The following GNAI3 variants were observed in gnomAD, a reference collection of about 807,000 sequenced individuals.
GNAI3 encodes the protein G protein subunit alpha i3, also known as guanine nucleotide-binding protein G(i) subunit alpha-3.
In GNAI3, 12 loss-of-function variants were observed where a neutral mutation model predicts 41.8. The ratio of observed to expected loss-of-function variants is 0.29; its 90% confidence interval spans 0.18 to 0.47. The LOEUF (loss-of-function observed/expected upper bound fraction) is 0.47, where lower values mean the gene tolerates loss of function less well. GNAI3 is among the 20% of genes least tolerant of loss of function. The pLI is 1.00. For synonymous variants in GNAI3, 132 were observed against 146.5 expected, an observed-to-expected ratio of 0.90 and a Z score of 0.71; for missense variants, 360 against 429.6, an observed-to-expected ratio of 0.84 and a Z score of 1.43.
At chr1:109,591,595 C>G in intron 7 of GNAI3, 2 of 520,848 alleles carry the variant, frequency 3.8e-6, no homozygotes, top group Non-Finnish European at 7.0e-6. Context: ...TGCTAATCTT[C>G]TCTGTATTGT....
At chr1:109,559,933 T>C (rs1469767270) in intron 1 of GNAI3, among the ~76,000 whole-genome samples, 1 of 152,226 alleles carries the variant, frequency 6.6e-6, no homozygotes, top group African/African-American at 2.4e-5. Context: ...AAGTGAAATA[T>C]CCGATTTTTC....
rs1233048484 is a variant in GNAI3 at position 109,593,858 on chromosome 1, C to T, written c.*1536C>T. 1 of 152,554 alleles carries T rather than the reference C, an allele frequency of 6.6e-6. No homozygotes were observed. The highest frequency in any genetic ancestry group is 1.5e-5 in the Non-Finnish European group (1 of 68,026). The allele number at this position is 152,554 out of a possible 1,614,324, so 9.5% of individuals were successfully genotyped here. On this transcript the variant is annotated 3_prime_UTR_variant, in exon 9 of 9. Transcript: ENST00000369851. ...ACAAATGAAGAGAATGCATTTTGAG[C>T]ATTTCAAATCAGTAGTTTGGGCAGT...
intron 1 of GNAI3, among the ~76,000 whole-genome samples, chr1:109,555,994 G>T (rs1184842167): frequency 6.8e-5 from 10 of 147,912 alleles, no homozygotes; most frequent in African/African-American, 2.4e-4. Flanking sequence ...GTGTGTGTGT[G>T]TGTGTTTGTG....
In GNAI3 at chr1:109,598,742, A is replaced by T; in HGVS notation, c.*6420A>T. ...TTATACTAGTGCTTTTTCATGGCAA[A>T]AAGACAGAAAAGTTCCCTTCTGCAG... On this transcript the variant is annotated 3_prime_UTR_variant, in exon 9 of 9. Transcript: ENST00000369851. 1 of 312,760 alleles carries T rather than the reference A, an allele frequency of 3.2e-6. No individual in the cohort carries two copies. Among genetic ancestry groups the T allele is most frequent in the Non-Finnish European group, 7.0e-6 (1 of 142,750 alleles). The allele number at this position is 312,760 out of a possible 1,614,324, so 19.4% of individuals were successfully genotyped here.
In GNAI3 at chr1:109,579,316, G is replaced by A; in HGVS notation, c.416G>A (p.Cys139Tyr). The change falls in exon 4 of 9, where the codon TGC (cysteine) becomes TAC (tyrosine). Residue 139 changes from cysteine to tyrosine, a missense_variant. Physicochemically the swap from Cys to Tyr is radical, Grantham distance 194. Transcript: ENST00000369851. Reference sequence around the variant, plus strand: ...TGGCGAGATGGTGGGGTACAAGCTTGCTTCAGCAGATCCAGGGAATATCAG... The same window carrying A: ...TGGCGAGATGGTGGGGTACAAGCTTACTTCAGCAGATCCAGGGAATATCAG... ...RLWRDGGVQACFSRSREYQLN... is the reference protein window; with the variant it reads ...RLWRDGGVQAYFSRSREYQLN... The A allele has an allele frequency of 6.2e-7, 1 of 1,613,756 alleles. No individual in the cohort carries two copies. The highest frequency in any genetic ancestry group is 8.5e-7 in the Non-Finnish European group (1 of 1,179,712).
chr1:109,560,163 A>G (rs1648267029), intron 1 of GNAI3, among the ~76,000 whole-genome samples: 1 of 152,228 alleles, frequency 6.6e-6, no homozygotes, highest in African/African-American at 2.4e-5. Context: ...GTTAAGGATT[A>G]GCTGAGATGT....
intron 1 of GNAI3, among the ~76,000 whole-genome samples, chr1:109,557,815 A>G (rs1348257847): frequency 6.6e-6 from 1 of 152,056 alleles, no homozygotes; most frequent in Non-Finnish European, 1.5e-5. Flanking sequence ...GCCAACCACA[A>G]TCCAGTCATG....
At chr1:109,559,891 G>C (rs1006453258) in intron 1 of GNAI3, among the ~76,000 whole-genome samples, 10 of 152,086 alleles carry the variant, frequency 6.6e-5, no homozygotes, top group Admixed American at 2.6e-4. Context: ...CTGTTTAATT[G>C]TTCTAGTTTT....
At chr1:109,574,091 G>A in intron 3 of GNAI3, 54 bp downstream of exon 3, 5 of 1,412,534 alleles carry the variant, frequency 3.5e-6, no homozygotes, top group South Asian at 1.3e-5. Flanking sequence ...ATACAGTTAA[G>A]TTAAGCAAAA....
intron 3 of GNAI3, among the ~76,000 whole-genome samples, chr1:109,574,897 A>G (rs1036755036): frequency 3.3e-5 from 5 of 152,260 alleles, no homozygotes; most frequent in Non-Finnish European, 7.3e-5. Flanking sequence ...GAAGTTGCTT[A>G]GGAACTCTCA....
rs573936949 is a variant in GNAI3 at position 109,552,152 on chromosome 1, ACT to A, written c.118+3317_118+3318del. Reference sequence around the variant, plus strand: ...ACTCTAGCCTGGGTGACAAAGTGAGACTCTTTGTCTCAAAAAAAAAAAAAATA... The same window carrying A: ...ACTCTAGCCTGGGTGACAAAGTGAGACTTTGTCTCAAAAAAAAAAAAAATA... On this transcript the variant is annotated intron_variant, in intron 1 of 8. Coordinates refer to ENST00000369851, the MANE Select transcript of GNAI3 (RefSeq NM_006496.4). Among the ~76,000 whole-genome samples, 849 of 150,614 alleles carry A rather than the reference ACT, an allele frequency of 5.6e-3. 7 individuals are homozygous for A. Among genetic ancestry groups the A allele is most frequent in the African/African-American group, 0.019 (793 of 40,934 alleles).
chr1:109,591,999 C>T (rs759316775), intron 7 of GNAI3, 44 bp from the exon 8 acceptor site: 2 of 1,291,536 alleles, frequency 1.5e-6, no homozygotes, highest in East Asian at 2.3e-5. Context: ...TGAGTTCAGG[C>T]AGCTGTTACA....
At chr1:109,577,537 A>G (rs1298872104) in intron 3 of GNAI3, among the ~76,000 whole-genome samples, 1 of 152,088 alleles carries the variant, frequency 6.6e-6, no homozygotes, top group Non-Finnish European at 1.5e-5. Context: ...GGCCTCCCAA[A>G]ATGCTGGGAT....
chr1:109,591,339 C>T (rs1557913360), intron 7 of GNAI3, among the ~76,000 whole-genome samples: 1 of 151,750 alleles, frequency 6.6e-6, no homozygotes, highest in African/African-American at 2.4e-5. Flanking sequence ...AATCCCATAG[C>T]GTTTATTGCC....
intron 7 of GNAI3, among the ~76,000 whole-genome samples, chr1:109,589,730 G>A (rs1260138831): frequency 6.6e-6 from 1 of 152,082 alleles, no homozygotes; most frequent in Non-Finnish European, 1.5e-5. Context: ...AGTAAAAGAG[G>A]CCAATACTTC....
chr1:109,591,515 A>T, intron 7 of GNAI3: 1 of 956,432 alleles, frequency 1.0e-6, no homozygotes, highest in Non-Finnish European at 1.6e-6. Context: ...TTTTAGCATG[A>T]TCCGACCCAG....
At chr1:109,577,671 T>A (rs1015359648) in intron 3 of GNAI3, among the ~76,000 whole-genome samples, 2 of 152,118 alleles carry the variant, frequency 1.3e-5, no homozygotes, top group Non-Finnish European at 2.9e-5. Flanking sequence ...AGCCTAAATA[T>A]TACTAGAAAG....
chr1:109,589,133 G>GTTT (rs1189506615), intron 7 of GNAI3, among the ~76,000 whole-genome samples: 1 of 152,114 alleles, frequency 6.6e-6, no homozygotes, highest in African/African-American at 2.4e-5. Context: ...CATGGAAATG[G>GTTT]GTGAAATGAC....
chr1:109,589,916 A>G (rs1649127073), intron 7 of GNAI3, among the ~76,000 whole-genome samples: 1 of 152,254 alleles, frequency 6.6e-6, no homozygotes, highest in Non-Finnish European at 1.5e-5. Context: ...TTGTGAATAC[A>G]CTAAGTGCCA....
Sources: gnomAD v4.1 joint callset for allele counts (sites outside exome capture counted in the v4.1 genomes callset) on GRCh38, gnomAD v4.1.1 for gene constraint, MANE v1.5 for transcripts, NCBI Gene and HGNC (gene_info 2026-07-23, HGNC 2026-07-21) for gene names.